Variants in ANK3 observed in about 807,000 individuals in gnomAD.
ANK3 encodes the protein ankyrin 3.
In ANK3, 57 loss-of-function variants were observed where a neutral mutation model predicts 370.9. The ratio of observed to expected loss-of-function variants is 0.15; its 90% confidence interval spans 0.12 to 0.19. The LOEUF (loss-of-function observed/expected upper bound fraction) is 0.19, where lower values mean the gene tolerates loss of function less well. Among genes scored for constraint, ANK3 ranks in the 10% least tolerant of loss-of-function variants. ANK3 has a pLI of 1.00. For missense variants in ANK3, 4,439 were observed against 5,302.1 expected (o/e 0.84, Z 5.06); for synonymous variants, 1,929 against 1,946.3 (o/e 0.99, Z 0.23).
chr10:60,290,639 G>A (rs1355147548), intron 1 of ANK3, among the ~76,000 whole-genome samples: 1 of 152,160 alleles, frequency 6.6e-6, no homozygotes, highest in Non-Finnish European at 1.5e-5. Flanking sequence ...GATTTTGCTT[G>A]GAAGTACCCT....
intron 2 of ANK3, among the ~76,000 whole-genome samples, chr10:60,407,973 G>A (rs1436046573): frequency 6.7e-6 from 1 of 149,440 alleles, no homozygotes; most frequent in East Asian, 1.9e-4. Context: ...TGCACACAGT[G>A]GATAACCGAT....
At chr10:60,242,884 G>T (rs2097490095) in intron 7 of ANK3, among the ~76,000 whole-genome samples, 1 of 151,996 alleles carries the variant, frequency 6.6e-6, no homozygotes, top group South Asian at 2.1e-4. Flanking sequence ...ATTTTTTGAA[G>T]ACCCTAAAAA....
intron 2 of ANK3, among the ~76,000 whole-genome samples, chr10:60,458,212 A>G (rs1032331436): frequency 6.6e-6 from 1 of 152,278 alleles, no homozygotes. Flanking sequence ...CTGGGAAATG[A>G]AAGTGTACTC....
intron 12 of ANK3, among the ~76,000 whole-genome samples, chr10:60,202,724 T>C (rs189539010): frequency 1.2e-3 from 183 of 151,946 alleles, no homozygotes; most frequent in African/African-American, 4.2e-3. Context: ...CTGGGCAAAA[T>C]AGTGAGGCCC....
intron 1 of ANK3, among the ~76,000 whole-genome samples, chr10:60,689,480 G>A (rs1465111082): frequency 2.0e-5 from 3 of 152,102 alleles, no homozygotes; most frequent in South Asian, 2.1e-4. Context: ...GGCTGGGTGC[G>A]GTGGCTCAGG....
chr10:60,691,572 A>G (rs1017596036), intron 1 of ANK3, among the ~76,000 whole-genome samples: 4 of 152,212 alleles, frequency 2.6e-5, no homozygotes, highest in African/African-American at 9.7e-5. Context: ...CTTAAAGGAC[A>G]TTTTGCCCTA....
chr10:60,659,424 A>G (rs2078908094), intron 1 of ANK3, among the ~76,000 whole-genome samples: 2 of 152,070 alleles, frequency 1.3e-5, no homozygotes. Flanking sequence ...GTATCTGTAA[A>G]TAATTGTAGT....
chr10:60,068,534 G>C (rs545493660), intron 37 of ANK3, 103 bp downstream of exon 37: 1 of 1,252,150 alleles, frequency 8.0e-7, no homozygotes, highest in South Asian at 1.5e-5. Context: ...AATCACAACA[G>C]TTCATGCACT....
In ANK3 at chr10:60,292,139, T is replaced by C. The variant is rs796370988; in HGVS notation, c.115-12500A>G. ...ACAAGAGGAACAGACAGTTCAACCTTAAAATTAATAAAATGTTTATATTTG... is the reference window on the plus strand; with the variant it reads ...ACAAGAGGAACAGACAGTTCAACCTCAAAATTAATAAAATGTTTATATTTG... On this transcript the variant is annotated intron_variant, in intron 1 of 43. Transcript: ENST00000280772. Among the ~76,000 whole-genome samples the C allele has an allele frequency of 2.0e-5, 3 of 152,202 alleles. No homozygotes were observed. In the South Asian group the frequency reaches 6.2e-4, roughly 32 times the overall value.
intron 1 of ANK3, among the ~76,000 whole-genome samples, chr10:60,726,385 A>G (rs1390386438): frequency 6.6e-6 from 1 of 152,212 alleles, no homozygotes; most frequent in African/African-American, 2.4e-5. Context: ...GATATGAACA[A>G]AATGTCATAG....
chr10:60,392,598 T>G (rs944959374), upstream of ANK3, among the ~76,000 whole-genome samples: 2 of 152,198 alleles, frequency 1.3e-5, no homozygotes, highest in African/African-American at 4.8e-5. Context: ...TTACATAGGA[T>G]GGGCGTGGCC....
At chr10:60,046,997 C>T (rs1465440183) in intron 42 of ANK3, among the ~76,000 whole-genome samples, 6 of 151,922 alleles carry the variant, frequency 3.9e-5, no homozygotes, top group East Asian at 3.9e-4. Flanking sequence ...TTAGGAGAGA[C>T]GGGGTTTCAC....
At chr10:60,188,807 C>T (rs1311067606) in intron 16 of ANK3, among the ~76,000 whole-genome samples, 2 of 152,178 alleles carry the variant, frequency 1.3e-5, no homozygotes, top group East Asian at 3.8e-4. Context: ...CTGAAAACCC[C>T]AGCTGCCCTG....
At chr10:60,264,741 G>GAT (rs2097854067) in intron 5 of ANK3, among the ~76,000 whole-genome samples, 1 of 152,010 alleles carries the variant, frequency 6.6e-6, no homozygotes, top group Admixed American at 6.6e-5. Context: ...TAAAAACTGA[G>GAT]ATGTATGTCT....
At chr10:60,239,391 A>G (rs893295554) in intron 7 of ANK3, among the ~76,000 whole-genome samples, 1 of 152,124 alleles carries the variant, frequency 6.6e-6, no homozygotes, top group Non-Finnish European at 1.5e-5. Flanking sequence ...ATGGTAGCCC[A>G]AGGAAAAAAG....
intron 2 of ANK3, among the ~76,000 whole-genome samples, chr10:60,595,669 C>G (rs763978007): frequency 2.0e-5 from 3 of 152,114 alleles, no homozygotes; most frequent in Non-Finnish European, 1.5e-5. Context: ...AAAAGGAGGT[C>G]TGGTCCCCAA....
intron 7 of ANK3, among the ~76,000 whole-genome samples, chr10:60,244,227 C>A (rs1354691915): frequency 1.3e-5 from 2 of 152,076 alleles, no homozygotes; most frequent in Non-Finnish European, 2.9e-5. Flanking sequence ...AAATGGGAAA[C>A]TTTTCATTTA....
chr10:60,423,196 G>A (rs942445990), intron 2 of ANK3, among the ~76,000 whole-genome samples: 13 of 152,016 alleles, frequency 8.6e-5, no homozygotes, highest in African/African-American at 2.9e-4. Context: ...TACTTTTAGG[G>A]CAAGAGGAGC....
In ANK3 at chr10:60,363,982, T is replaced by TG. The variant is rs1487342982; in HGVS notation, c.114+25442_114+25443insC. Among the ~76,000 whole-genome samples, 157 of 123,450 alleles carry TG rather than the reference T, an allele frequency of 1.3e-3. 1 individual carries two copies. The highest frequency in any genetic ancestry group is 2.8e-3 in the African/African-American group (107 of 38,454). 81.0% of individuals were successfully genotyped at this position (123,450 alleles called of 152,430 possible). ...AGGAAGGAGAAGTGTTTTTTTTTTT[T>TG]TTTTTTTTTTTTAACTTTAAGAGAA... On this transcript the variant is annotated intron_variant, in intron 1 of 43. Transcript: ENST00000280772.
Sources: gnomAD v4.1 joint callset for allele counts (sites outside exome capture counted in the v4.1 genomes callset) on GRCh38, gnomAD v4.1.1 for gene constraint, MANE v1.5 for transcripts, NCBI Gene and HGNC (gene_info 2026-07-23, HGNC 2026-07-21) for gene names.